Variants in BACE2 observed in about 807,000 individuals in gnomAD.
BACE2 encodes 56 kDa aspartic-like protease.
A neutral mutation model predicts 46.2 loss-of-function variants in BACE2; 17 were observed. The observed-to-expected ratio is 0.37, with a 90% CI of 0.25 to 0.55. The LOEUF (loss-of-function observed/expected upper bound fraction) is 0.55, where lower values mean the gene tolerates loss of function less well. BACE2 is among the 20% of genes least tolerant of loss of function. The pLI is 0.82. For missense variants in BACE2, 595 were observed against 698.1 expected, an observed-to-expected ratio of 0.85 and a Z score of 1.66; for synonymous variants, 277 against 295.9, an observed-to-expected ratio of 0.94 and a Z score of 0.66.
chr21:41,253,849 A>G (rs1184420212), intron 7 of BACE2, among the ~76,000 whole-genome samples: 1 of 152,092 alleles, frequency 6.6e-6, no homozygotes, highest in Non-Finnish European at 1.5e-5. Flanking sequence ...CAGATTTTTT[A>G]TTTTTAAAAA....
At chr21:41,252,726 T>C (rs765407834) in intron 7 of BACE2, among the ~76,000 whole-genome samples, 9 of 152,184 alleles carry the variant, frequency 5.9e-5, no homozygotes, top group African/African-American at 1.2e-4. Context: ...TTTGTTGCAA[T>C]TGATGAATTT....
intron 1 of BACE2, chr21:41,180,875 C>T (rs994572912): frequency 1.2e-5 from 2 of 167,112 alleles, no homozygotes; most frequent in African/African-American, 4.8e-5. Flanking sequence ...CAATGCTAGT[C>T]TGTTATCAAC....
rs530418993 is a variant in BACE2, at chr21:41,211,013, C to T, written c.313-15253C>T. Reference sequence around the variant, plus strand: ...CACTTCCCAGACTGCAGGATGGCCGCCTTGCACCTTTATAAGAAGGTATTC... The same window carrying T: ...CACTTCCCAGACTGCAGGATGGCCGTCTTGCACCTTTATAAGAAGGTATTC... On this transcript the variant is annotated intron_variant, in intron 1 of 8. Coordinates refer to ENST00000330333, the MANE Select transcript of BACE2 (RefSeq NM_012105.5). Among the ~76,000 whole-genome samples, 119 of 152,286 alleles carry T rather than the reference C, an allele frequency of 7.8e-4. 1 individual carries two copies. The highest frequency in any genetic ancestry group is 2.8e-3 in the African/African-American group (116 of 41,552).
intron 8 of BACE2, among the ~76,000 whole-genome samples, chr21:41,261,096 T>C (rs1214304827): frequency 6.6e-6 from 1 of 152,220 alleles, no homozygotes; most frequent in African/African-American, 2.4e-5. Context: ...TATTTCTGTA[T>C]TGGCAATTAT....
intron 8 of BACE2, among the ~76,000 whole-genome samples, chr21:41,259,746 A>AACAACTTACCCCCAAATGTC (rs1164609393): frequency 1.3e-5 from 2 of 150,594 alleles, no homozygotes; most frequent in African/African-American, 4.9e-5. Context: ...ATTGCTATGT[A>AACAACTTACCCCCAAATGTC]ACAACTTACC....
At chr21:41,188,925 C>T (rs1475753251) in intron 1 of BACE2, among the ~76,000 whole-genome samples, 2 of 152,202 alleles carry the variant, frequency 1.3e-5, no homozygotes, top group African/African-American at 4.8e-5. Flanking sequence ...ACCGTGGTTC[C>T]TTAGCCCTGT....
At chr21:41,197,626 A>G (rs1985787585) in intron 1 of BACE2, among the ~76,000 whole-genome samples, 1 of 152,076 alleles carries the variant, frequency 6.6e-6, no homozygotes, top group African/African-American at 2.4e-5. Context: ...CTACCTATGT[A>G]AAAATCTTCC....
chr21:41,237,138 T>G (rs1987145694), intron 2 of BACE2, among the ~76,000 whole-genome samples: 1 of 152,176 alleles, frequency 6.6e-6, no homozygotes, highest in African/African-American at 2.4e-5. Flanking sequence ...TTCGGGAACA[T>G]GGATACATAA....
At chr21:41,262,107 T>C (rs921980516) in intron 8 of BACE2, among the ~76,000 whole-genome samples, 1 of 152,190 alleles carries the variant, frequency 6.6e-6, no homozygotes, top group African/African-American at 2.4e-5. Context: ...ACCACATGCA[T>C]ATTTCCCCAG....
At chr21:41,260,236 C>T (rs1432257154) in intron 8 of BACE2, among the ~76,000 whole-genome samples, 3 of 152,156 alleles carry the variant, frequency 2.0e-5, no homozygotes, top group African/African-American at 7.2e-5. Context: ...CCTTCACCTC[C>T]CAGGCTCAAG....
In BACE2 at chr21:41,275,654, A is replaced by C. The variant is rs1211457200; in HGVS notation, c.*30A>C. The C allele has an allele frequency of 6.2e-7, 1 of 1,607,198 alleles. No individual in the cohort carries two copies. The highest frequency in any genetic ancestry group is 1.7e-5 in the Admixed American group (1 of 59,784). Reference sequence around the variant, plus strand: ...CCAGGCCTGACCTCAAGCAACCATGAACTCAGCTATTAAGAAAATCACATT... The same window carrying C: ...CCAGGCCTGACCTCAAGCAACCATGCACTCAGCTATTAAGAAAATCACATT... On this transcript the variant is annotated 3_prime_UTR_variant, in exon 9 of 9. Transcript: ENST00000330333.
chr21:41,184,668 C>T (rs1985303503), intron 1 of BACE2: 1 of 163,894 alleles, frequency 6.1e-6, no homozygotes, highest in Non-Finnish European at 1.5e-5. Context: ...GGAAAGGTGC[C>T]TGATGATATT....
At position 41,280,790 on chromosome 21, in the gene BACE2, C is replaced by T. The variant is rs8126886; in HGVS notation, c.*5166C>T. ...TAAATCCAGTATTTTCTTCCCTGCC[C>T]TGAGCTTCCTCTGGGTTTCTTATCA... On this transcript the variant is annotated 3_prime_UTR_variant, in exon 9 of 9. Coordinates refer to ENST00000330333, the MANE Select transcript of BACE2 (RefSeq NM_012105.5). 0.11 allele frequency: 16,960 copies of T among 152,316 alleles called. 948 individuals are homozygous for T. Among genetic ancestry groups the T allele is most frequent in the Middle Eastern group, 0.12 (36 of 292 alleles). The allele number at this position is 152,316 out of a possible 1,614,324, so 9.4% of individuals were successfully genotyped here.
At chr21:41,194,287 A>G (rs1197611100) in intron 1 of BACE2, among the ~76,000 whole-genome samples, 1 of 152,152 alleles carries the variant, frequency 6.6e-6, no homozygotes, top group Non-Finnish European at 1.5e-5. Context: ...TCTGCTGTCC[A>G]TTAGGGTAGC....
Position 41,281,808 on chromosome 21 carries a change from T to C in BACE2, c.*6184T>C, listed in dbSNP as rs1311600230. 1 of 152,232 alleles carries C rather than the reference T, an allele frequency of 6.6e-6. No homozygotes were observed. The highest frequency in any genetic ancestry group is 1.5e-5 in the Non-Finnish European group (1 of 68,042). 9.4% of individuals were successfully genotyped at this position (152,232 alleles called of 1,614,324 possible). On this transcript the variant is annotated 3_prime_UTR_variant, in exon 9 of 9. Coordinates refer to ENST00000330333, the MANE Select transcript of BACE2 (RefSeq NM_012105.5). ...GCTAGTGGTATAAAACGAGATTTTT[T>C]TCCCTCATTTTTCTCATTGTAGATG...
chr21:41,209,740 C>G (rs115224879), intron 1 of BACE2, among the ~76,000 whole-genome samples: 1 of 152,230 alleles, frequency 6.6e-6, no homozygotes, highest in South Asian at 2.1e-4. Flanking sequence ...GTTAGAATCT[C>G]GGTCCAGCAC....
intron 6 of BACE2, among the ~76,000 whole-genome samples, chr21:41,247,530 G>A (rs973697675): frequency 6.6e-6 from 1 of 152,232 alleles, no homozygotes; most frequent in Non-Finnish European, 1.5e-5. Flanking sequence ...AGAATTAACG[G>A]GAGTATCTTC....
intron 2 of BACE2, among the ~76,000 whole-genome samples, chr21:41,231,595 T>G (rs1169685814): frequency 6.6e-6 from 1 of 152,210 alleles, no homozygotes; most frequent in Non-Finnish European, 1.5e-5. Flanking sequence ...TCTTTTCCCC[T>G]CAGTTCAATT....
chr21:41,250,349 G>A (rs1207693539), intron 6 of BACE2, among the ~76,000 whole-genome samples: 1 of 152,146 alleles, frequency 6.6e-6, no homozygotes, highest in Non-Finnish European at 1.5e-5. Flanking sequence ...AAAGTCCTTG[G>A]GGGCCACAAT....
Sources: allele counts gnomAD v4.1 joint callset (sites outside exome capture counted in the v4.1 genomes callset), GRCh38; gene constraint gnomAD v4.1.1; transcripts MANE v1.5; gene names NCBI Gene and HGNC (gene_info 2026-07-23, HGNC 2026-07-21).